MGAT5: variants seen among roughly 807,000 people sequenced by gnomAD.
MGAT5 encodes alpha-1,6-mannosylglycoprotein 6-beta-N-acetylglucosaminyltransferase.
Under a neutral mutation model 94.3 loss-of-function variants are expected in MGAT5, and 30 were observed. The ratio of observed to expected loss-of-function variants is 0.32; its 90% confidence interval spans 0.24 to 0.43. The LOEUF (loss-of-function observed/expected upper bound fraction) is 0.43, where lower values mean the gene tolerates loss of function less well. MGAT5 is among the 20% of genes least tolerant of loss of function. The pLI, the probability that MGAT5 is intolerant of heterozygous loss-of-function variation, is 1.00. For missense variants in MGAT5, 691 were observed against 905.5 expected (o/e 0.76, Z 3.04); for synonymous variants, 310 against 322.9 (o/e 0.96, Z 0.43).
intron 2 of MGAT5, among the ~76,000 whole-genome samples, chr2:134,311,996 T>A (rs944129797): frequency 2.6e-5 from 4 of 152,164 alleles, no homozygotes; most frequent in Admixed American, 6.5e-5. Flanking sequence ...ATGCCTGTAA[T>A]CCCAGCACTT....
At chr2:134,125,932 G>C (rs1396233825) in intron 1 of MGAT5, among the ~76,000 whole-genome samples, 1 of 152,174 alleles carries the variant, frequency 6.6e-6, no homozygotes, top group Non-Finnish European at 1.5e-5. Flanking sequence ...AGGGCTCCTG[G>C]CTCCTCTCAG....
At chr2:134,197,762 T>A (rs1679569054) in intron 1 of MGAT5, among the ~76,000 whole-genome samples, 2 of 152,218 alleles carry the variant, frequency 1.3e-5, no homozygotes, top group South Asian at 4.1e-4. Context: ...CATTTCTGCC[T>A]GCTAAAGTTA....
chr2:134,444,543 A>G (rs564459351), intron 15 of MGAT5, among the ~76,000 whole-genome samples: 65 of 152,352 alleles, frequency 4.3e-4, no homozygotes, highest in African/African-American at 1.5e-3. Context: ...CTGGCAGTCT[A>G]TTGAGTGCCT....
intron 1 of MGAT5, among the ~76,000 whole-genome samples, chr2:134,241,927 A>G (rs1342337926): frequency 6.6e-6 from 1 of 152,210 alleles, no homozygotes; most frequent in African/African-American, 2.4e-5. Flanking sequence ...TTCAGGGGCT[A>G]TGAAGTCACT....
At chr2:134,187,079 C>T (rs1223338489) in intron 1 of MGAT5, among the ~76,000 whole-genome samples, 1 of 152,084 alleles carries the variant, frequency 6.6e-6, no homozygotes, top group Non-Finnish European at 1.5e-5. Flanking sequence ...CTTGACCTAG[C>T]TTGAGGGCCG....
At chr2:134,237,206 G>T (rs1681695454) in intron 1 of MGAT5, among the ~76,000 whole-genome samples, 2 of 151,648 alleles carry the variant, frequency 1.3e-5, no homozygotes, top group Admixed American at 6.6e-5. Context: ...AGCCCTAAAA[G>T]AATTGTTTTG....
chr2:134,278,730 C>T (rs1479572022), intron 2 of MGAT5, among the ~76,000 whole-genome samples: 2 of 152,176 alleles, frequency 1.3e-5, no homozygotes, highest in African/African-American at 4.8e-5. Context: ...GCCAAATGTG[C>T]CTCAGCCCCA....
At chr2:134,423,551 C>T (rs975686697) in intron 13 of MGAT5, among the ~76,000 whole-genome samples, 4 of 152,102 alleles carry the variant, frequency 2.6e-5, no homozygotes, top group East Asian at 3.9e-4. Context: ...TCCTTTCTCC[C>T]AACTCGGAGC....
chr2:134,146,842 T>C (rs1044756367), intron 1 of MGAT5, among the ~76,000 whole-genome samples: 3 of 152,174 alleles, frequency 2.0e-5, no homozygotes, highest in Non-Finnish European at 4.4e-5. Context: ...CTGCATTTCA[T>C]TGGAGTGTTG....
intron 1 of MGAT5, among the ~76,000 whole-genome samples, chr2:134,129,206 G>A (rs755612734): frequency 2.8e-4 from 43 of 152,194 alleles, no homozygotes; most frequent in Non-Finnish European, 5.7e-4. Context: ...GGCTGCCCGT[G>A]TTCCTAGGCT....
chr2:134,386,273 T>G (rs1211537519), intron 10 of MGAT5, among the ~76,000 whole-genome samples: 1 of 152,110 alleles, frequency 6.6e-6, no homozygotes, highest in African/African-American at 2.4e-5. Context: ...GTCAGAGAAG[T>G]TAGAAGAAAT....
intron 1 of MGAT5, among the ~76,000 whole-genome samples, chr2:134,166,010 G>A (rs892119671): frequency 1.3e-5 from 2 of 152,114 alleles, no homozygotes; most frequent in African/African-American, 4.8e-5. Flanking sequence ...CTAGTGTCTC[G>A]GCACATAGCA....
At chr2:134,273,615 GA>G (rs1262679505) in intron 2 of MGAT5, among the ~76,000 whole-genome samples, 2 of 135,586 alleles carry the variant, frequency 1.5e-5, no homozygotes. Flanking sequence ...TCTTTAGGGG[GA>G]TAGCTCTGTG....
At chr2:134,401,777 A>G (rs563749615) in intron 10 of MGAT5, among the ~76,000 whole-genome samples, 6 of 152,244 alleles carry the variant, frequency 3.9e-5, no homozygotes, top group Non-Finnish European at 8.8e-5. Flanking sequence ...CATTGCAAGC[A>G]AAGTCATCCT....
intron 14 of MGAT5, among the ~76,000 whole-genome samples, chr2:134,436,167 C>T (rs1159454639): frequency 1.3e-5 from 2 of 152,326 alleles, no homozygotes; most frequent in East Asian, 3.9e-4. Context: ...GGACAGATGG[C>T]ATCATCCTCA....
At chr2:134,272,068 C>T (rs1000519813) in intron 2 of MGAT5, among the ~76,000 whole-genome samples, 6 of 152,224 alleles carry the variant, frequency 3.9e-5, no homozygotes, top group Admixed American at 1.3e-4. Flanking sequence ...TTCTTTCCCC[C>T]ATCGTGGCAT....
chr2:134,344,891 T>G (rs1238969440), intron 7 of MGAT5, 39 bp from the exon 8 acceptor site: 8 of 1,601,550 alleles, frequency 5.0e-6, no homozygotes, highest in South Asian at 1.1e-5. Flanking sequence ...GTAAATGATT[T>G]TTCTCTTTTT....
At position 134,328,382 on chromosome 2, in the gene MGAT5, T is replaced by A. The variant is rs115771367; in HGVS notation, c.574-7835T>A. Among the ~76,000 whole-genome samples, 1,306 of 152,152 alleles carry A rather than the reference T, an allele frequency of 8.6e-3. 18 individuals carry two copies. Among genetic ancestry groups the A allele is most frequent in the African/African-American group, 0.03 (1,238 of 41,526 alleles). ...AGTGTTAGAGGAAACACACAAGACCTGATTTGCTGTCTGGATCCCACCACT... is the reference window on the plus strand; with the variant it reads ...AGTGTTAGAGGAAACACACAAGACCAGATTTGCTGTCTGGATCCCACCACT... On this transcript the variant is annotated intron_variant, in intron 4 of 15. Transcript: ENST00000281923.
chr2:134,179,225 T>G (rs1481117685), intron 1 of MGAT5, among the ~76,000 whole-genome samples: 1 of 147,950 alleles, frequency 6.8e-6, no homozygotes, highest in Non-Finnish European at 1.5e-5. Flanking sequence ...CCCCCAAGCA[T>G]AGTGCTGAGG....
Sources: allele counts gnomAD v4.1 joint callset (sites outside exome capture counted in the v4.1 genomes callset), GRCh38; gene constraint gnomAD v4.1.1; transcripts MANE v1.5; gene names NCBI Gene and HGNC (gene_info 2026-07-23, HGNC 2026-07-21).